Variants in CSMD3 observed in about 807,000 individuals in gnomAD.
CSMD3 encodes the protein CUB and Sushi multiple domains 3.
A neutral mutation model predicts 435.2 loss-of-function variants in CSMD3; 177 were observed. The ratio of observed to expected loss-of-function variants is 0.41; its 90% CI spans 0.36 to 0.46. CSMD3 has a LOEUF of 0.46. CSMD3 is among the 20% of genes least tolerant of loss of function. The pLI is 0.34. For missense variants in CSMD3, 4,265 were observed against 4,504.6 expected (o/e 0.95, Z 1.52); for synonymous variants, 1,656 against 1,520.5 (o/e 1.09, Z -2.07).
intron 5 of CSMD3, among the ~76,000 whole-genome samples, chr8:113,074,481 T>C (rs2131419847): frequency 6.6e-6 from 1 of 151,982 alleles, no homozygotes; most frequent in East Asian, 1.9e-4. Context: ...TTTTAAATAG[T>C]ATGTCATTTG....
At chr8:113,314,501 C>A (rs1298791710) in intron 2 of CSMD3, 70 bp downstream of exon 2, 1 of 898,304 alleles carries the variant, frequency 1.1e-6, no homozygotes, top group South Asian at 1.4e-5. Flanking sequence ...TGTTAAGCAT[C>A]TTTTGTAAAA....
chr8:112,411,710 A>C (rs1811372201), intron 32 of CSMD3, among the ~76,000 whole-genome samples: 1 of 152,060 alleles, frequency 6.6e-6, no homozygotes, highest in Admixed American at 6.6e-5. Context: ...GAACTAAGTG[A>C]TGACTCTCAG....
intron 59 of CSMD3, among the ~76,000 whole-genome samples, chr8:112,278,310 C>T (rs968550608): frequency 6.6e-6 from 1 of 152,106 alleles, no homozygotes; most frequent in African/African-American, 2.4e-5. Flanking sequence ...TTGAGATGTG[C>T]TGATTTTGAT....
At chr8:113,002,126 G>T (rs557062628) in intron 6 of CSMD3, among the ~76,000 whole-genome samples, 1 of 151,980 alleles carries the variant, frequency 6.6e-6, no homozygotes, top group South Asian at 2.1e-4. Flanking sequence ...GCTGACTTTT[G>T]GTTTTTAGCA....
chr8:112,457,327 A>T (rs1216347481), intron 32 of CSMD3, among the ~76,000 whole-genome samples: 1 of 152,114 alleles, frequency 6.6e-6, no homozygotes, highest in Non-Finnish European at 1.5e-5. Context: ...AAGAGAATTC[A>T]CAGGCGAGTG....
rs74880349 is a variant in CSMD3, at chr8:112,388,467, G to A, written c.5934+2197C>T. On this transcript the variant is annotated intron_variant, in intron 36 of 70. Transcript: ENST00000297405. ...GAGATTTATGAAAGACAAACCTGACGAATTTCATTGTACCGAGTAAGAGTC... is the reference window on the plus strand; with the variant it reads ...GAGATTTATGAAAGACAAACCTGACAAATTTCATTGTACCGAGTAAGAGTC... 6.7e-3 allele frequency among the ~76,000 whole-genome samples: 1,022 copies of A among 152,210 alleles called. 14 individuals are homozygous for A. The highest frequency in any genetic ancestry group is 0.023 in the African/African-American group (958 of 41,544).
At chr8:113,202,752 A>C (rs919118401) in intron 3 of CSMD3, among the ~76,000 whole-genome samples, 1 of 152,136 alleles carries the variant, frequency 6.6e-6, no homozygotes, top group African/African-American at 2.4e-5. Context: ...AGCTGTATTC[A>C]ATTTGGACGC....
At chr8:113,273,270 C>T (rs74659793) in intron 3 of CSMD3, among the ~76,000 whole-genome samples, 4,729 of 151,752 alleles carry the variant, frequency 0.031, 89 homozygotes, top group Admixed American at 0.04. Flanking sequence ...CTTTGTCTAA[C>T]GCTAAACATT....
At chr8:112,961,874 C>T (rs1015936581) in intron 7 of CSMD3, among the ~76,000 whole-genome samples, 7 of 151,898 alleles carry the variant, frequency 4.6e-5, no homozygotes, top group East Asian at 1.9e-4. Flanking sequence ...CTTGGCGTAA[C>T]AGGTCTTACA....
chr8:112,502,989 G>A (rs1262240410), intron 30 of CSMD3, among the ~76,000 whole-genome samples: 2 of 151,822 alleles, frequency 1.3e-5, no homozygotes, highest in Non-Finnish European at 2.9e-5. Context: ...ATATCCACAG[G>A]CATTCTAACA....
chr8:112,953,386 T>C (rs1319058876), intron 8 of CSMD3, among the ~76,000 whole-genome samples: 1 of 151,472 alleles, frequency 6.6e-6, no homozygotes, highest in African/African-American at 2.4e-5. Context: ...AGTCATATTG[T>C]AGCATTGCTT....
At chr8:113,025,447 T>C (rs1287839693) in intron 5 of CSMD3, among the ~76,000 whole-genome samples, 1 of 152,166 alleles carries the variant, frequency 6.6e-6, no homozygotes, top group Non-Finnish European at 1.5e-5. Context: ...GCCACCATGA[T>C]AGTTTCAGAC....
intron 22 of CSMD3, among the ~76,000 whole-genome samples, chr8:112,601,460 C>T (rs916875646): frequency 2.0e-4 from 30 of 152,112 alleles, no homozygotes; most frequent in African/African-American, 6.8e-4. Context: ...TACAAACATA[C>T]AATCAAGGAA....
At chr8:112,537,967 A>T (rs967232175) in intron 27 of CSMD3, among the ~76,000 whole-genome samples, 1 of 152,100 alleles carries the variant, frequency 6.6e-6, no homozygotes, top group South Asian at 2.1e-4. Context: ...ATTGAACACA[A>T]TAACACATTA....
chr8:112,650,472 C>A, intron 18 of CSMD3, 123 bp from the exon 19 acceptor site: 1 of 805,012 alleles, frequency 1.2e-6, no homozygotes, highest in South Asian at 1.5e-5. Context: ...ACTCGTACTT[C>A]ATTTTTAAAA....
At chr8:113,190,969 C>T (rs2092576368) in intron 3 of CSMD3, among the ~76,000 whole-genome samples, 1 of 151,794 alleles carries the variant, frequency 6.6e-6, no homozygotes, top group South Asian at 2.1e-4. Context: ...AGGCATTTAA[C>T]TTCAATTCCT....
chr8:113,136,032 G>T (rs150043123), intron 4 of CSMD3, among the ~76,000 whole-genome samples: 234 of 151,902 alleles, frequency 1.5e-3, no homozygotes, highest in African/African-American at 5.5e-3. Flanking sequence ...GCACAATATA[G>T]AAATTGAGAA....
At chr8:112,421,965 AACAAG>A (rs763927870) in intron 32 of CSMD3, among the ~76,000 whole-genome samples, 1 of 152,062 alleles carries the variant, frequency 6.6e-6, no homozygotes, top group Non-Finnish European at 1.5e-5. Context: ...TAAAAAAACA[AACAAG>A]ACAACTATCA....
At chr8:112,702,992 C>G (rs2076422176) in intron 13 of CSMD3, among the ~76,000 whole-genome samples, 1 of 152,084 alleles carries the variant, frequency 6.6e-6, no homozygotes, top group Non-Finnish European at 1.5e-5. Flanking sequence ...TGCAGGGTTT[C>G]TTAATGATAC....
Sources: allele counts gnomAD v4.1 joint callset (sites outside exome capture counted in the v4.1 genomes callset), GRCh38; gene constraint gnomAD v4.1.1; transcripts MANE v1.5; gene names NCBI Gene and HGNC (gene_info 2026-07-23, HGNC 2026-07-21).